The following PTCRA variants were observed in gnomAD, a reference collection of about 807,000 sequenced individuals.
PTCRA encodes pre T-cell antigen receptor alpha.
In PTCRA, 9 loss-of-function variants were observed where a neutral mutation model predicts 13.4. That is an observed-to-expected ratio of 0.67 (90% CI 0.41 to 1.18). The LOEUF (loss-of-function observed/expected upper bound fraction) is 1.18, where lower values mean the gene tolerates loss of function less well. PTCRA is among the 50% of genes most tolerant of loss of function. The pLI is 0.01. For missense variants in PTCRA, 353 were observed against 359.8 expected, an observed-to-expected ratio of 0.98 and a Z score of 0.15; for synonymous variants, 153 against 161.9, an observed-to-expected ratio of 0.94 and a Z score of 0.42.
At chr6:42,923,381 C>T (rs767012030) in intron 2 of PTCRA, 34 bp downstream of exon 2, 2 of 1,590,378 alleles carry the variant, frequency 1.3e-6, no homozygotes, top group Non-Finnish European at 1.7e-6. Context: ...GCGGATGCTC[C>T]CTGTCCCCTT....
chr6:42,924,371 C>A, intron 3 of PTCRA, 98 bp downstream of exon 3: 2 of 1,003,140 alleles, frequency 2.0e-6, no homozygotes, highest in Non-Finnish European at 3.1e-6. Flanking sequence ...GGGTCTTACA[C>A]TGGAGGTCAG....
Position 42,918,788 on chromosome 6 carries a change from ATT to A in PTCRA, c.58+2679_58+2680del, listed in dbSNP as rs35893765. On this transcript the variant is annotated intron_variant, in intron 1 of 3. Transcript: ENST00000304672. ...TTACCATTTATGTGTTAGTAGGATA[ATT>A]TTTTTTTTTTTTTTTTTGAGACAGA... Among the ~76,000 whole-genome samples, 428 of 123,198 alleles carry A rather than the reference ATT, an allele frequency of 3.5e-3. 2 individuals are homozygous for A. Among genetic ancestry groups the A allele is most frequent in the African/African-American group, 8.4e-3 (263 of 31,170 alleles). The allele number at this position is 123,198 out of a possible 152,430, so 80.8% of individuals were successfully genotyped here.
Position 42,925,156 on chromosome 6 carries a change from G to A in PTCRA, c.425-105G>A. On this transcript the variant is annotated intron_variant, in intron 3 of 3. Coordinates refer to ENST00000304672, the MANE Select transcript of PTCRA (RefSeq NM_138296.3). The surrounding 1 kb of genome is among the most constrained non-coding windows in gnomAD (Gnocchi z 4.4). Reference sequence around the variant, plus strand: ...GGAAGGACTTTCCCTGGAGGAGGGGGTGAAGGGGACGGGCAAGGGCAGAGG... The same window carrying A: ...GGAAGGACTTTCCCTGGAGGAGGGGATGAAGGGGACGGGCAAGGGCAGAGG... The A allele has an allele frequency of 7.7e-6, 11 of 1,433,356 alleles. No homozygotes were observed. Among genetic ancestry groups the A allele is most frequent in the Non-Finnish European group, 1.0e-5 (11 of 1,080,896 alleles). The allele number at this position is 1,433,356 out of a possible 1,614,324, so 88.8% of individuals were successfully genotyped here. A position where few individuals can be genotyped will look rare whatever the true frequency, so the allele number is the denominator to read the frequency against.
chr6:42,925,265 A>G lies in PTCRA; in HGVS notation c.429A>G (p.Thr143=). ...CTGAGCGGTTCCTCCTCGCAGGGAC[A>G]CCGGGTGGGGCGCTGTGGCTGGGGG... ...RTCPQEPLRG[T]PGGALWLGVL... Residue 143 remains threonine (T), a synonymous_variant, in exon 4 of 4, where the codon ACA becomes ACG. Transcript: ENST00000304672. The surrounding 1 kb of genome is among the most constrained non-coding windows in gnomAD (Gnocchi z 4.4). 6.3e-7 allele frequency: 1 copy of G among 1,587,818 alleles called. No individual in the cohort carries two copies. Among genetic ancestry groups the G allele is most frequent in the Non-Finnish European group, 8.5e-7 (1 of 1,174,552 alleles).
Position 42,923,214 on chromosome 6 carries a change from G to A in PTCRA, c.246G>A (p.Thr82=), listed in dbSNP as rs760873532. The A allele has an allele frequency of 2.2e-5, 35 of 1,614,100 alleles. No individual in the cohort carries two copies. Among genetic ancestry groups the A allele is most frequent in the Admixed American group, 6.7e-5 (4 of 60,002 alleles). ...TCACCTATGGCCCTTCCCCAGCAAC[G>A]GATGGCACCTGGACCAACTTGGCCC... ...DAFTYGPSPA[T]DGTWTNLAHL... is the part of the protein sequence containing the mutation. Residue 82 remains threonine, a synonymous_variant, in exon 2 of 4, where the codon ACG becomes ACA. Transcript: ENST00000304672.
In PTCRA at chr6:42,925,415, C is replaced by T. The variant is rs779687830; in HGVS notation, c.579C>T (p.Ser193=). 2 of 1,555,562 alleles carry T rather than the reference C, an allele frequency of 1.3e-6. No homozygotes were observed. The highest frequency in any genetic ancestry group is 1.7e-6 in the Non-Finnish European group (2 of 1,149,186). ...CCACCCGCCTGCGAGCCCTCGGCTC[C>T]CATCGACTGCACCCGGCCACGGAGA... The part of the protein sequence containing the change: ...ATTTRLRALG[S]HRLHPATETG... The change falls in exon 4 of 4, where the codon TCC becomes TCT. Residue 193 remains serine, a synonymous_variant. Transcript: ENST00000304672. This position sits in a 1 kb window ranked among gnomAD's most constrained non-coding sequence, Gnocchi z 4.4.
In PTCRA at chr6:42,925,423, T is replaced by C. The variant is rs771200206; in HGVS notation, c.587T>C (p.Leu196Pro). ...CTGCGAGCCCTCGGCTCCCATCGAC[T>C]GCACCCGGCCACGGAGACTGGGGGA... ...TRLRALGSHR[L>P]HPATETGGRE... The change falls in exon 4 of 4, where the codon CTG becomes CCG. Residue 196 changes from leucine (L) to proline (P), a missense_variant. By Grantham distance (98) the Leu-to-Pro change is moderately conservative (BLOSUM62 -3). Transcript: ENST00000304672. The surrounding 1 kb of genome is among the most constrained non-coding windows in gnomAD (Gnocchi z 4.4). 16 of 1,555,678 alleles carry C rather than the reference T, an allele frequency of 1.0e-5. No homozygotes were observed. In the Admixed American group the frequency reaches 2.9e-4, roughly 28 times the overall value.
At chr6:42,921,960 G>A (rs1378770073) in intron 1 of PTCRA, among the ~76,000 whole-genome samples, 1 of 151,780 alleles carries the variant, frequency 6.6e-6, no homozygotes, top group Non-Finnish European at 1.5e-5. Flanking sequence ...AGAAGGCAGA[G>A]GTTGCAGTGA....
At chr6:42,923,400 C>G (rs1005177970) in intron 2 of PTCRA, 53 bp downstream of exon 2, 5 of 1,545,938 alleles carry the variant, frequency 3.2e-6, no homozygotes, top group Non-Finnish European at 4.5e-6. Flanking sequence ...TTCCACACAC[C>G]AGGATATGGT....
chr6:42,921,481 G>C (rs1004774940), intron 1 of PTCRA, among the ~76,000 whole-genome samples: 13 of 139,922 alleles, frequency 9.3e-5, no homozygotes, highest in Non-Finnish European at 4.5e-5. Flanking sequence ...GCAGTGGCGT[G>C]ATCTAGGCTC....
intron 1 of PTCRA, among the ~76,000 whole-genome samples, 185 bp downstream of exon 1, chr6:42,916,312 C>T (rs535461318): frequency 6.8e-4 from 104 of 152,182 alleles, no homozygotes; most frequent in Middle Eastern, 6.8e-3. Flanking sequence ...AGAGGGTCCC[C>T]ACTATACTCT....
In PTCRA at chr6:42,925,130, G is replaced by T; in HGVS notation, c.425-131G>T. The T allele has an allele frequency of 1.6e-6, 2 of 1,241,620 alleles. No homozygotes were observed. The highest frequency in any genetic ancestry group is 5.3e-5 in the Admixed American group (2 of 38,038). The allele number at this position is 1,241,620 out of a possible 1,614,324, so 76.9% of individuals were successfully genotyped here. On this transcript the variant is annotated intron_variant, in intron 3 of 3. Coordinates refer to ENST00000304672, the MANE Select transcript of PTCRA (RefSeq NM_138296.3). This position sits in a 1 kb window ranked among gnomAD's most constrained non-coding sequence, Gnocchi z 4.4. ...CCAGTAAGAACGGAGGCTAGACACC[G>T]GGAAGGACTTTCCCTGGAGGAGGGG...
Position 42,925,117 on chromosome 6 carries a change from G to T in PTCRA, c.425-144G>T. On this transcript the variant is annotated intron_variant, in intron 3 of 3. Transcript: ENST00000304672. This position sits in a 1 kb window ranked among gnomAD's most constrained non-coding sequence, Gnocchi z 4.4. ...GTATGTATTATTACCAGTAAGAACG[G>T]AGGCTAGACACCGGGAAGGACTTTC... 9.4e-7 allele frequency: 1 copy of T among 1,059,142 alleles called. No homozygotes were observed. The highest frequency in any genetic ancestry group is 1.3e-6 in the Non-Finnish European group (1 of 753,230). 65.6% of individuals were successfully genotyped at this position (1,059,142 alleles called of 1,614,324 possible).
At chr6:42,924,353 G>A (rs1380837149) in intron 3 of PTCRA, 80 bp downstream of exon 3, 1 of 1,202,888 alleles carries the variant, frequency 8.3e-7, no homozygotes, top group African/African-American at 1.5e-5. Flanking sequence ...CTTCAGCTCT[G>A]GCCTAATGGG....
At chr6:42,924,369 C>T (rs1767326511) in intron 3 of PTCRA, 96 bp downstream of exon 3, 3 of 1,002,246 alleles carry the variant, frequency 3.0e-6, no homozygotes, top group Non-Finnish European at 4.7e-6. Flanking sequence ...ATGGGTCTTA[C>T]ACTGGAGGTC....
At chr6:42,918,117 C>A (rs2114116147) in intron 1 of PTCRA, among the ~76,000 whole-genome samples, 1 of 151,176 alleles carries the variant, frequency 6.6e-6, no homozygotes, top group East Asian at 2.0e-4. Flanking sequence ...ATTAGCTGGA[C>A]ATGGTGGCAG....
chr6:42,922,750 A>G (rs1255501448), intron 1 of PTCRA, among the ~76,000 whole-genome samples: 4 of 151,060 alleles, frequency 2.6e-5, no homozygotes, highest in Non-Finnish European at 1.5e-5. Flanking sequence ...AAAAAAAAAA[A>G]AAAGAAAGAA....
intron 1 of PTCRA, among the ~76,000 whole-genome samples, chr6:42,918,077 G>A (rs1020824574): frequency 1.3e-5 from 2 of 151,948 alleles, no homozygotes; most frequent in African/African-American, 4.8e-5. Flanking sequence ...CCAACATGAC[G>A]AAACCCCATC....
chr6:42,918,788 ATTTTT>A (rs35893765), intron 1 of PTCRA, among the ~76,000 whole-genome samples: 2 of 123,220 alleles, frequency 1.6e-5, no homozygotes, highest in Admixed American at 8.5e-5. Flanking sequence ...TAGTAGGATA[ATTTTT>A]TTTTTTTTTT....
Sources: gnomAD v4.1 joint callset for allele counts (sites outside exome capture counted in the v4.1 genomes callset) on GRCh38, gnomAD v4.1.1 for gene constraint, Gnocchi (gnomAD v3.1) non-coding constraint, MANE v1.5 for transcripts, NCBI Gene and HGNC (gene_info 2026-07-23, HGNC 2026-07-21) for gene names.